The following PTPN12 variants were observed in gnomAD, a reference collection of about 807,000 sequenced individuals.
PTPN12 encodes the protein tyrosine-protein phosphatase non-receptor type 12.
A neutral mutation model predicts 97.6 loss-of-function variants in PTPN12; 29 were observed. The observed-to-expected ratio is 0.30, with a 90% CI of 0.22 to 0.41. PTPN12 has a LOEUF of 0.41. Among genes scored for constraint, PTPN12 ranks in the 10% least tolerant of loss-of-function variants. The probability of loss-of-function intolerance (pLI) is 1.00; values close to 1 mark genes in which losing one functional copy is unlikely to be tolerated. For missense variants in PTPN12, 819 were observed against 926.0 expected (o/e 0.88, Z 1.50); for synonymous variants, 327 against 300.4 (o/e 1.09, Z -0.91).
intron 6 of PTPN12, among the ~76,000 whole-genome samples, chr7:77,592,665 A>G (rs999168581): frequency 3.9e-5 from 6 of 152,178 alleles, no homozygotes; most frequent in African/African-American, 1.4e-4. Context: ...TGTTATAATT[A>G]TATATAAAGA....
At position 77,639,572 on chromosome 7, in the gene PTPN12, A is replaced by G. The variant is rs2151416815; in HGVS notation, c.*292A>G. 3.3e-6 allele frequency: 1 copy of G among 300,408 alleles called. No homozygotes were observed. Among genetic ancestry groups the G allele is most frequent in the Non-Finnish European group, 6.1e-6 (1 of 163,456 alleles). The allele number at this position is 300,408 out of a possible 1,614,324, so 18.6% of individuals were successfully genotyped here. On this transcript the variant is annotated 3_prime_UTR_variant, in exon 18 of 18. Coordinates refer to ENST00000248594, the MANE Select transcript of PTPN12 (RefSeq NM_002835.4). ...CCTTTATGATATATTGAGTTTAAGG[A>G]CTACTCTTTTTCTGTTTTATCATGT...
intron 1 of PTPN12, among the ~76,000 whole-genome samples, chr7:77,554,758 C>T (rs996276100): frequency 9.2e-5 from 14 of 152,200 alleles, no homozygotes; most frequent in African/African-American, 3.4e-4. Flanking sequence ...TGGCACACTG[C>T]AGCCTTGACC....
chr7:77,562,475 T>C (rs558939653), intron 1 of PTPN12, among the ~76,000 whole-genome samples: 1 of 152,310 alleles, frequency 6.6e-6, no homozygotes, highest in East Asian at 1.9e-4. Flanking sequence ...ACTATAATGA[T>C]TGTGTTTTCT....
intron 2 of PTPN12, among the ~76,000 whole-genome samples, chr7:77,580,699 C>G (rs948837155): frequency 3.3e-5 from 5 of 152,028 alleles, no homozygotes; most frequent in Non-Finnish European, 2.9e-5. Context: ...TTTTTTTACT[C>G]TATTACCTAA....
chr7:77,592,397 GT>G, intron 6 of PTPN12, 141 bp downstream of exon 6: 1 of 614,072 alleles, frequency 1.6e-6, no homozygotes, highest in Non-Finnish European at 2.6e-6. Flanking sequence ...AAAAAATTTT[GT>G]TTATATACTG....
intron 13 of PTPN12, among the ~76,000 whole-genome samples, chr7:77,629,954 A>T (rs1482996258): frequency 1.3e-5 from 2 of 151,862 alleles, no homozygotes; most frequent in African/African-American, 4.8e-5. Context: ...AAAAAAAAAA[A>T]AAAAGAGTAA....
intron 1 of PTPN12, among the ~76,000 whole-genome samples, chr7:77,569,753 A>C (rs1392647100): frequency 6.6e-6 from 1 of 152,182 alleles, no homozygotes; most frequent in Admixed American, 6.5e-5. Context: ...CCTGGGCAAC[A>C]GAGTGAGATC....
intron 14 of PTPN12, among the ~76,000 whole-genome samples, chr7:77,633,852 C>T (rs145883905): frequency 2.5e-4 from 38 of 151,556 alleles, no homozygotes; most frequent in African/African-American, 9.0e-4. Context: ...GTGATACCTC[C>T]TCTCTTCTAA....
chr7:77,638,026 C>T (rs1349967937), intron 16 of PTPN12, among the ~76,000 whole-genome samples: 5 of 124,086 alleles, frequency 4.0e-5, no homozygotes, highest in Non-Finnish European at 7.9e-5. Flanking sequence ...GGCGCGATCT[C>T]GGCTCACTGC....
chr7:77,627,252 C>T lies in PTPN12; in HGVS notation c.1573C>T (p.Arg525Cys), dbSNP rs758489821. Residue 525 changes from arginine to cysteine, a missense_variant, in exon 13 of 18, where the codon CGC (arginine) becomes TGC (cysteine). Around this residue, in one of 5 missense-constraint regions of PTPN12, gnomAD observed 607 missense variants for 577.3 expected, o/e 1.05. Transcript: ENST00000248594. ...TTCAGACACACCTCCAAGGCCAGAC[C>T]GCTTGCCTCTTGATGAGAAAGGACA... ...QNSDTPPRPD[R>C]LPLDEKGHVT... The T allele has an allele frequency of 6.6e-5, 107 of 1,613,920 alleles. No individual in the cohort carries two copies. Among genetic ancestry groups the T allele is most frequent in the Middle Eastern group, 1.6e-4 (1 of 6,084 alleles).
intron 5 of PTPN12, among the ~76,000 whole-genome samples, chr7:77,586,912 G>A (rs904192785): frequency 2.0e-5 from 3 of 152,102 alleles, no homozygotes; most frequent in Non-Finnish European, 4.4e-5. Context: ...ATCCATTCCA[G>A]GTTTTATCAT....
At chr7:77,617,548 A>C (rs1351248160) in intron 11 of PTPN12, among the ~76,000 whole-genome samples, 1 of 152,206 alleles carries the variant, frequency 6.6e-6, no homozygotes, top group African/African-American at 2.4e-5. Context: ...TTTTAATTAA[A>C]AACAATGATA....
intron 12 of PTPN12, among the ~76,000 whole-genome samples, chr7:77,621,198 T>C (rs1011468290): frequency 1.3e-5 from 2 of 152,060 alleles, no homozygotes; most frequent in Non-Finnish European, 2.9e-5. Flanking sequence ...GGATCATCAA[T>C]ATCACTGCCT....
At chr7:77,625,556 T>A (rs1484357316) in intron 12 of PTPN12, among the ~76,000 whole-genome samples, 1 of 46,146 alleles carries the variant, frequency 2.2e-5, no homozygotes, top group Non-Finnish European at 3.4e-5. Context: ...TCTCTCTCGC[T>A]CTCTCTCTCT....
chr7:77,635,035 G>C (rs1364614986), intron 14 of PTPN12, among the ~76,000 whole-genome samples: 1 of 151,986 alleles, frequency 6.6e-6, no homozygotes, highest in African/African-American at 2.4e-5. Context: ...ATTAGAGATA[G>C]GGTCTCACCA....
At chr7:77,593,788 CTG>C (rs766758512) in intron 6 of PTPN12, among the ~76,000 whole-genome samples, 6 of 152,230 alleles carry the variant, frequency 3.9e-5, no homozygotes, top group Non-Finnish European at 7.3e-5. Context: ...TCTGGGCACA[CTG>C]TGGCCCAGCC....
At position 77,552,126 on chromosome 7, in the gene PTPN12, C is replaced by T. The variant is rs571381803; in HGVS notation, c.99+14481C>T. On this transcript the variant is annotated intron_variant, in intron 1 of 17. Transcript: ENST00000248594. ...ATTTAGATAGAAGATTATTAAAATT[C>T]ATTTTTAAGAAACAGAGTCTGTCTC... is the stretch of plus-strand genomic sequence containing the variant. Among the ~76,000 whole-genome samples the T allele has an allele frequency of 1.8e-4, 27 of 152,194 alleles. No homozygotes were observed. The Middle Eastern group carries it at 0.014, about 77-fold the overall frequency.
At chr7:77,611,429 G>C (rs1327324714) in intron 11 of PTPN12, among the ~76,000 whole-genome samples, 1 of 151,818 alleles carries the variant, frequency 6.6e-6, no homozygotes, top group Non-Finnish European at 1.5e-5. Flanking sequence ...TTAGTTATTT[G>C]TGTATATGCT....
chr7:77,597,163 G>A (rs531623745), intron 6 of PTPN12, among the ~76,000 whole-genome samples: 6 of 152,108 alleles, frequency 3.9e-5, no homozygotes, highest in Non-Finnish European at 8.8e-5. Context: ...TTGCTCTGTC[G>A]CCCAGGCTGG....
Sources: gnomAD v4.1 joint callset for allele counts (sites outside exome capture counted in the v4.1 genomes callset) on GRCh38, gnomAD v4.1.1 for gene constraint, gnomAD v4.1.1 regional missense constraint, MANE v1.5 for transcripts, NCBI Gene and HGNC (gene_info 2026-07-23, HGNC 2026-07-21) for gene names.